The following ACSS3 variants were observed in gnomAD, a reference collection of about 807,000 sequenced individuals.
The protein encoded by ACSS3 is acyl-CoA synthetase short chain family member 3.
A neutral mutation model predicts 84.2 loss-of-function variants in ACSS3; 64 were observed. That is an observed-to-expected ratio of 0.76 (90% CI 0.62 to 0.94). ACSS3 has a LOEUF of 0.94. ACSS3 is among the 40% of genes least tolerant of loss of function. The pLI, the probability that ACSS3 is intolerant of heterozygous loss-of-function variation, is 0.00. For synonymous variants in ACSS3, 317 were observed against 310.1 expected (o/e 1.02, Z -0.23); for missense variants, 815 against 867.6 (o/e 0.94, Z 0.76).
intron 12 of ACSS3, 41 bp from the exon 13 acceptor site, chr12:81,233,308 A>G (rs1158795852): frequency 1.3e-6 from 2 of 1,588,616 alleles, no homozygotes; most frequent in African/African-American, 1.4e-5. Flanking sequence ...ACATTAGTTA[A>G]CAGTACATGC....
chr12:81,178,809 A>G (rs2030689463), intron 8 of ACSS3, among the ~76,000 whole-genome samples: 2 of 152,344 alleles, frequency 1.3e-5, no homozygotes, highest in South Asian at 2.1e-4. Flanking sequence ...TACAATTCAT[A>G]TGGAACCAAA....
intron 9 of ACSS3, among the ~76,000 whole-genome samples, chr12:81,204,470 A>G (rs2032259239): frequency 6.8e-6 from 1 of 148,138 alleles, no homozygotes; most frequent in Non-Finnish European, 1.5e-5. Context: ...CCTATTTGCT[A>G]TAAGATATGG....
At chr12:81,120,548 AGTG>A (rs1884495479) in intron 2 of ACSS3, among the ~76,000 whole-genome samples, 1 of 152,230 alleles carries the variant, frequency 6.6e-6, no homozygotes, top group South Asian at 2.1e-4. Flanking sequence ...GAGTGGCTAA[AGTG>A]GTGCAAATTA....
chr12:81,179,412 A>G (rs1380756115), intron 8 of ACSS3, among the ~76,000 whole-genome samples: 1 of 152,052 alleles, frequency 6.6e-6, no homozygotes, highest in Non-Finnish European at 1.5e-5. Context: ...TATGGGAGAC[A>G]ATATCTGCCA....
intron 1 of ACSS3, among the ~76,000 whole-genome samples, chr12:81,091,424 T>G (rs1007922422): frequency 5.9e-5 from 9 of 151,956 alleles, no homozygotes; most frequent in Non-Finnish European, 1.3e-4. Context: ...AGAAAAAATA[T>G]AAAACTGATT....
chr12:81,254,121 G>A (rs1333945868), intron 15 of ACSS3, among the ~76,000 whole-genome samples: 1 of 151,944 alleles, frequency 6.6e-6, no homozygotes, highest in Non-Finnish European at 1.5e-5. Flanking sequence ...TAGAGGTAGT[G>A]TTCTCACCAT....
chr12:81,227,116 A>G (rs2033299281), intron 11 of ACSS3, among the ~76,000 whole-genome samples: 1 of 151,874 alleles, frequency 6.6e-6, no homozygotes, highest in Non-Finnish European at 1.5e-5. Context: ...CTGAAGACCC[A>G]GGAAAAGTTG....
intron 8 of ACSS3, among the ~76,000 whole-genome samples, chr12:81,198,640 T>C (rs1286256557): frequency 6.6e-6 from 1 of 151,762 alleles, no homozygotes; most frequent in Non-Finnish European, 1.5e-5. Flanking sequence ...GAACCACTAA[T>C]GGGGTCAACA....
chr12:81,231,172 T>G (rs754639618), intron 12 of ACSS3, 34 bp downstream of exon 12: 1 of 1,495,982 alleles, frequency 6.7e-7, no homozygotes. Flanking sequence ...TATCTTCTTA[T>G]GTACTTTTCT....
At chr12:81,225,451 T>C (rs2033242555) in intron 11 of ACSS3, among the ~76,000 whole-genome samples, 1 of 151,924 alleles carries the variant, frequency 6.6e-6, no homozygotes, top group African/African-American at 2.4e-5. Context: ...AATGATGAAG[T>C]AGTTTTCTGA....
intron 2 of ACSS3, among the ~76,000 whole-genome samples, chr12:81,112,320 A>G (rs1196222366): frequency 2.6e-5 from 4 of 152,226 alleles, no homozygotes; most frequent in Admixed American, 6.5e-5. Context: ...TTTGATACAT[A>G]ATCAAACATC....
At chr12:81,239,611 CTCTT>C (rs1267883061) in intron 13 of ACSS3, among the ~76,000 whole-genome samples, 3 of 151,746 alleles carry the variant, frequency 2.0e-5, no homozygotes, top group South Asian at 2.1e-4. Context: ...CAGGGGAACT[CTCTT>C]TATAAAACCA....
intron 13 of ACSS3, among the ~76,000 whole-genome samples, chr12:81,244,788 T>G (rs1374308135): frequency 6.6e-6 from 1 of 152,122 alleles, no homozygotes; most frequent in Non-Finnish European, 1.5e-5. Context: ...GTTGTCTACT[T>G]TTTCCATTAA....
At chr12:81,222,526 C>T (rs1013805908) in intron 11 of ACSS3, among the ~76,000 whole-genome samples, 8 of 152,062 alleles carry the variant, frequency 5.3e-5, no homozygotes, top group Non-Finnish European at 8.8e-5. Context: ...CAATGGCTGC[C>T]TGCAGTATGT....
chr12:81,150,152 C>T (rs1886539647), intron 5 of ACSS3, among the ~76,000 whole-genome samples: 1 of 152,044 alleles, frequency 6.6e-6, no homozygotes, highest in Non-Finnish European at 1.5e-5. Context: ...CCCTCTGTAC[C>T]ATATGGTCTA....
intron 1 of ACSS3, among the ~76,000 whole-genome samples, chr12:81,101,443 T>A (rs1882503988): frequency 6.6e-6 from 1 of 152,160 alleles, no homozygotes; most frequent in Non-Finnish European, 1.5e-5. Context: ...AATTTTTCTC[T>A]TACCTGGAGT....
chr12:81,121,066 C>G (rs866996518), intron 2 of ACSS3, among the ~76,000 whole-genome samples: 18 of 152,174 alleles, frequency 1.2e-4, no homozygotes, highest in African/African-American at 4.3e-4. Flanking sequence ...GTTGTTAAAA[C>G]TGACCCAGCT....
At chr12:81,130,112 AT>A (rs1240608122) in intron 2 of ACSS3, among the ~76,000 whole-genome samples, 1 of 152,234 alleles carries the variant, frequency 6.6e-6, no homozygotes, top group African/African-American at 2.4e-5. Flanking sequence ...TTATGGTAGC[AT>A]GATTTATAAT....
At chr12:81,218,189 G>A (rs1340175954) in intron 10 of ACSS3, among the ~76,000 whole-genome samples, 2 of 152,132 alleles carry the variant, frequency 1.3e-5, no homozygotes, top group Admixed American at 1.3e-4. Flanking sequence ...AGCTAGTAGT[G>A]CTACTAATAT....
Sources: allele counts gnomAD v4.1 joint callset (sites outside exome capture counted in the v4.1 genomes callset), GRCh38; gene constraint gnomAD v4.1.1; transcripts MANE v1.5; gene names NCBI Gene and HGNC (gene_info 2026-07-23, HGNC 2026-07-21).